LPIN1: variants seen among roughly 807,000 people sequenced by gnomAD.
The protein encoded by LPIN1 is lipin 1.
LPIN1 carries 71 observed loss-of-function variants against 107.5 expected under a neutral mutation model. The ratio of observed to expected loss-of-function variants is 0.66; its 90% CI spans 0.55 to 0.80. The LOEUF (loss-of-function observed/expected upper bound fraction) is 0.80, where lower values mean the gene tolerates loss of function less well. Among genes scored for constraint, LPIN1 ranks in the 30% least tolerant of loss-of-function variants. The pLI, the probability that LPIN1 is intolerant of heterozygous loss-of-function variation, is 0.00. For synonymous variants in LPIN1, 445 were observed against 452.6 expected, an observed-to-expected ratio of 0.98 and a Z score of 0.21; for missense variants, 1,043 against 1,160.6, an observed-to-expected ratio of 0.90 and a Z score of 1.47.
chr2:11,767,508 C>T, intron 2 of LPIN1: 1 of 497,912 alleles, frequency 2.0e-6, no homozygotes, highest in Non-Finnish European at 3.7e-6. Flanking sequence ...GCCAAAACTG[C>T]AGTTATTTTT....
chr2:11,736,252 A>G (rs945455815), intron 1 of LPIN1, among the ~76,000 whole-genome samples: 1 of 152,228 alleles, frequency 6.6e-6, no homozygotes, highest in African/African-American at 2.4e-5. Context: ...CTGCTAGAAC[A>G]CATATCATAG....
rs539634441 is a variant in LPIN1 at position 11,747,151 on chromosome 2, C to G, written c.-10+480C>G. Among the ~76,000 whole-genome samples the G allele has an allele frequency of 1.2e-4, 19 of 152,334 alleles. No homozygotes were observed. In the South Asian group the frequency reaches 3.9e-3, roughly 32 times the overall value. On this transcript the variant is annotated intron_variant, in intron 1 of 20. Coordinates refer to ENST00000674199, the MANE Select transcript of LPIN1 (RefSeq NM_001349206.2). ...AGCGCTGCAGTTGAGGAAACTGAGGCTCAGGGAGGTTGACCTCTGTGCCCA... is the reference window on the plus strand; with the variant it reads ...AGCGCTGCAGTTGAGGAAACTGAGGGTCAGGGAGGTTGACCTCTGTGCCCA...
chr2:11,818,866 A>C (rs2148730421), intron 18 of LPIN1: 1 of 152,276 alleles, frequency 6.6e-6, no homozygotes, highest in South Asian at 2.1e-4. Context: ...TATTTTAAAA[A>C]ATGAATTTTA....
chr2:11,687,520 TTTG>T (rs534164129), intron 1 of LPIN1, among the ~76,000 whole-genome samples: 30 of 151,356 alleles, frequency 2.0e-4, no homozygotes, highest in African/African-American at 6.8e-4. Context: ...TTGGGAAGAG[TTTG>T]TTATTACTAG....
intron 3 of LPIN1, among the ~76,000 whole-genome samples, chr2:11,769,373 G>A (rs1671492624): frequency 6.6e-6 from 1 of 152,078 alleles, no homozygotes; most frequent in African/African-American, 2.4e-5. Flanking sequence ...TTGGAGAAAT[G>A]TCTATTCAGA....
In LPIN1 at chr2:11,801,367, A is replaced by G. The variant is rs541648623; in HGVS notation, c.1887-1540A>G. 3.3e-5 allele frequency among the ~76,000 whole-genome samples: 5 copies of G among 152,324 alleles called. No individual in the cohort carries two copies. The South Asian group carries it at 8.3e-4, about 25-fold the overall frequency. On this transcript the variant is annotated intron_variant, in intron 14 of 20. Coordinates refer to ENST00000674199, the MANE Select transcript of LPIN1 (RefSeq NM_001349206.2). ...ATGGAACCAACCTAAGTGTCCATCA[A>G]TGGATAAATGAATGAAGAAAATGTG...
upstream of LPIN1, among the ~76,000 whole-genome samples, chr2:11,719,400 C>CT (rs1292141363): frequency 6.6e-6 from 1 of 152,206 alleles, no homozygotes; most frequent in Admixed American, 6.5e-5. Context: ...AGGCCAGTGC[C>CT]TGCTTGAGTT....
intron 1 of LPIN1, among the ~76,000 whole-genome samples, chr2:11,706,634 T>G (rs1350561387): frequency 6.6e-6 from 1 of 152,198 alleles, no homozygotes; most frequent in Non-Finnish European, 1.5e-5. Flanking sequence ...CAAGACCTAC[T>G]CAAGACCAAG....
intron 1 of LPIN1, among the ~76,000 whole-genome samples, chr2:11,756,428 G>A (rs764917802): frequency 2.6e-5 from 4 of 151,870 alleles, no homozygotes; most frequent in Admixed American, 6.6e-5. Context: ...TCACTCTGTC[G>A]CCCAGGCTGG....
chr2:11,776,266 A>AT, intron 6 of LPIN1, 73 bp downstream of exon 6: 4 of 920,624 alleles, frequency 4.3e-6, no homozygotes, highest in Non-Finnish European at 6.5e-6. Context: ...CTATAAGTCT[A>AT]TTTTACCATT....
intron 1 of LPIN1, 84 bp downstream of exon 1, chr2:11,746,755 C>G: frequency 1.4e-6 from 1 of 713,670 alleles, no homozygotes; most frequent in East Asian, 1.3e-4. Context: ...GGCGCCGGGG[C>G]GCTGAGGACG....
chr2:11,734,426 T>C (rs1665579468), intron 1 of LPIN1, among the ~76,000 whole-genome samples: 1 of 152,250 alleles, frequency 6.6e-6, no homozygotes, highest in Admixed American at 6.5e-5. Flanking sequence ...TGTTTACATG[T>C]TCTGAAGATA....
chr2:11,746,564 C>T, upstream of LPIN1: 1 of 796,048 alleles, frequency 1.3e-6, no homozygotes, highest in African/African-American at 1.9e-5. Context: ...TGCCCCGCCC[C>T]TGCCCTCTGC....
chr2:11,712,016 A>G (rs558866116), intron 1 of LPIN1, among the ~76,000 whole-genome samples: 6 of 152,274 alleles, frequency 3.9e-5, no homozygotes, highest in Admixed American at 3.9e-4. Context: ...TTGTTTGAGG[A>G]GGGCATTCTT....
At chr2:11,728,236 C>T (rs893434464) in intron 1 of LPIN1, among the ~76,000 whole-genome samples, 3 of 152,168 alleles carry the variant, frequency 2.0e-5, no homozygotes, top group South Asian at 2.1e-4. Flanking sequence ...ATCACAGTTC[C>T]GTGCTAATAT....
upstream of LPIN1, chr2:11,745,307 C>T (rs1374641119): frequency 6.6e-6 from 1 of 152,330 alleles, no homozygotes; most frequent in Non-Finnish European, 1.5e-5. Context: ...CCCCCGGTTT[C>T]CTGCAGTGCC....
At chr2:11,739,878 A>G (rs1460441099) in intron 1 of LPIN1, among the ~76,000 whole-genome samples, 2 of 152,268 alleles carry the variant, frequency 1.3e-5, no homozygotes, top group African/African-American at 4.8e-5. Flanking sequence ...ATGACATTCA[A>G]TGTAAACCCT....
intron 1 of LPIN1, among the ~76,000 whole-genome samples, chr2:11,758,107 CT>C (rs1362259926): frequency 6.6e-6 from 1 of 152,188 alleles, no homozygotes; most frequent in Non-Finnish European, 1.5e-5. Flanking sequence ...AATTTCCTTT[CT>C]TTTTAAGGCT....
chr2:11,810,636 A>G (rs1332981578), intron 17 of LPIN1, among the ~76,000 whole-genome samples: 1 of 152,160 alleles, frequency 6.6e-6, no homozygotes, highest in Non-Finnish European at 1.5e-5. Flanking sequence ...AGTGGCTCTC[A>G]ACTGACGGAC....
Sources: allele counts gnomAD v4.1 joint callset (sites outside exome capture counted in the v4.1 genomes callset), GRCh38; gene constraint gnomAD v4.1.1; transcripts MANE v1.5; gene names NCBI Gene and HGNC (gene_info 2026-07-23, HGNC 2026-07-21).